Variants in MAP3K20 observed in about 807,000 individuals in gnomAD.
The protein encoded by MAP3K20 is mitogen-activated protein kinase kinase kinase 20.
MAP3K20 carries 40 observed loss-of-function variants against 85.7 expected under a neutral mutation model. The observed-to-expected ratio is 0.47, with a 90% CI of 0.36 to 0.61. The LOEUF (loss-of-function observed/expected upper bound fraction) is 0.61, where lower values mean the gene tolerates loss of function less well. Ranked by LOEUF, MAP3K20 falls within the 20% of genes least tolerant of loss-of-function variation. The pLI is 0.00. For synonymous variants in MAP3K20, 325 were observed against 327.7 expected, an observed-to-expected ratio of 0.99 and a Z score of 0.09; for missense variants, 817 against 961.7, an observed-to-expected ratio of 0.85 and a Z score of 1.99.
At chr2:173,102,025 C>T (rs976843088) in intron 2 of MAP3K20, among the ~76,000 whole-genome samples, 11 of 152,162 alleles carry the variant, frequency 7.2e-5, no homozygotes, top group Admixed American at 5.2e-4. Context: ...TCCCTGCCTC[C>T]GGGGCCATAT....
At chr2:173,218,997 T>A (rs2106317506) in intron 11 of MAP3K20, among the ~76,000 whole-genome samples, 1 of 152,352 alleles carries the variant, frequency 6.6e-6, no homozygotes, top group African/African-American at 2.4e-5. Context: ...GAGATTTTCT[T>A]CTTTTTTCCT....
chr2:173,227,218 CGTT>C (rs1684413854), intron 11 of MAP3K20: 6 of 823,910 alleles, frequency 7.3e-6, no homozygotes, highest in Non-Finnish European at 8.8e-6. Context: ...TTGAAGGAAT[CGTT>C]GTCACACGCA....
chr2:173,097,922 G>A (rs1216613703), intron 2 of MAP3K20, among the ~76,000 whole-genome samples: 6 of 152,186 alleles, frequency 3.9e-5, no homozygotes, highest in African/African-American at 1.4e-4. Context: ...TGGAAGGCTA[G>A]TTAAATGTTA....
At chr2:173,109,158 T>G (rs1459204796) in intron 2 of MAP3K20, among the ~76,000 whole-genome samples, 1 of 152,276 alleles carries the variant, frequency 6.6e-6, no homozygotes, top group Non-Finnish European at 1.5e-5. Context: ...AAGTAAACAT[T>G]AATTCTACTT....
chr2:173,157,304 ATTAG>A (rs540101406), intron 2 of MAP3K20, among the ~76,000 whole-genome samples: 5 of 146,410 alleles, frequency 3.4e-5, no homozygotes, highest in East Asian at 3.9e-4. Flanking sequence ...TTTACTATGT[ATTAG>A]TTAGGGTTTG....
At chr2:173,179,923 A>G (rs947517947) in intron 3 of MAP3K20, among the ~76,000 whole-genome samples, 5 of 152,224 alleles carry the variant, frequency 3.3e-5, no homozygotes, top group Non-Finnish European at 7.3e-5. Context: ...CAAAATAAGT[A>G]TAAGACTTGT....
intron 11 of MAP3K20, among the ~76,000 whole-genome samples, chr2:173,217,904 A>G (rs552757437): frequency 8.5e-5 from 13 of 152,208 alleles, no homozygotes; most frequent in Non-Finnish European, 1.5e-4. Context: ...CTGGTTATAC[A>G]CTAACCTTGA....
chr2:173,234,569 C>T (rs1401750358), intron 14 of MAP3K20, among the ~76,000 whole-genome samples: 1 of 152,038 alleles, frequency 6.6e-6, no homozygotes, highest in Non-Finnish European at 1.5e-5. Context: ...GCCCTTGAGC[C>T]GGATCTTGGA....
rs758738244 is a variant in MAP3K20, at chr2:173,229,691, G to A, written c.990G>A (p.Leu330=). The A allele has an allele frequency of 1.9e-6, 3 of 1,613,930 alleles. No individual in the cohort carries two copies. The change falls in exon 12 of 20, where the codon CTG becomes CTA. Residue 330 remains leucine (L), a splice_region_variant and synonymous_variant. Transcript: ENST00000375213. ...QKLTEQSNTP[L]LPSFEIGAWT... is the part of the protein sequence containing the mutation. ...TTTCATGCATATTTCCCATGCAGCTGCTGCCTTCCTTTGAGATTGGTGCAT... is the reference window on the plus strand; with the variant it reads ...TTTCATGCATATTTCCCATGCAGCTACTGCCTTCCTTTGAGATTGGTGCAT...
intron 2 of MAP3K20, among the ~76,000 whole-genome samples, chr2:173,131,565 T>G (rs946629679): frequency 1.3e-5 from 2 of 152,248 alleles, no homozygotes; most frequent in African/African-American, 4.8e-5. Flanking sequence ...TTTTATATTG[T>G]CTGTAAGCCA....
chr2:173,087,465 G>GAATA (rs1370889403), intron 1 of MAP3K20, among the ~76,000 whole-genome samples: 1 of 152,176 alleles, frequency 6.6e-6, no homozygotes, highest in Non-Finnish European at 1.5e-5. Context: ...AGTGGTAAAT[G>GAATA]AATAACACAA....
intron 2 of MAP3K20, among the ~76,000 whole-genome samples, chr2:173,143,032 GAAAC>G (rs1316611986): frequency 3.3e-5 from 5 of 151,668 alleles, no homozygotes; most frequent in East Asian, 1.9e-4. Flanking sequence ...GTCTCAAAAA[GAAAC>G]AAACAAAAAA....
At chr2:173,106,900 A>G (rs1244533893) in intron 2 of MAP3K20, among the ~76,000 whole-genome samples, 1 of 152,164 alleles carries the variant, frequency 6.6e-6, no homozygotes, top group Admixed American at 6.5e-5. Context: ...AGTTATGGGT[A>G]ATTCCTAAGT....
In MAP3K20 at chr2:173,075,983, A is replaced by C. The variant is rs1686837594; in HGVS notation, c.-54A>C. 1 of 984,374 alleles carries C rather than the reference A, an allele frequency of 1.0e-6. No homozygotes were observed. Among genetic ancestry groups the C allele is most frequent in the Non-Finnish European group, 1.2e-6 (1 of 829,682 alleles). 61.0% of individuals were successfully genotyped at this position (984,374 alleles called of 1,614,324 possible). On this transcript the variant is annotated 5_prime_UTR_variant, in exon 1 of 20. Coordinates refer to ENST00000375213, the MANE Select transcript of MAP3K20 (RefSeq NM_016653.3). The stretch of plus-strand genomic sequence containing the variant: ...GCCTCCGCGCCCCCGGCTGCTGCTC[A>C]CGCCCCGCCCGGGAGCCAGGTAGGG...
Position 173,191,137 on chromosome 2 carries a change from T to A in MAP3K20, c.542T>A (p.Leu181His). ...ATGGCTCCAGAAGTTATCCAGAGTCTCCCTGTGTCAGAAACTTGTGACACA... is the reference window on the plus strand; with the variant it reads ...ATGGCTCCAGAAGTTATCCAGAGTCACCCTGTGTCAGAAACTTGTGACACA... The part of the protein sequence containing the change: ...PWMAPEVIQS[L>H]PVSETCDTYS... Residue 181 changes from leucine to histidine, a missense_variant, in exon 7 of 20, where the codon CTC (leucine) becomes CAC (histidine). Coordinates refer to ENST00000375213, the MANE Select transcript of MAP3K20 (RefSeq NM_016653.3). The A allele has an allele frequency of 2.5e-6, 4 of 1,614,086 alleles. No individual in the cohort carries two copies. The highest frequency in any genetic ancestry group is 1.7e-5 in the Admixed American group (1 of 60,022).
chr2:173,079,738 A>T (rs1242393899), intron 1 of MAP3K20, among the ~76,000 whole-genome samples: 1 of 152,192 alleles, frequency 6.6e-6, no homozygotes, highest in Non-Finnish European at 1.5e-5. Flanking sequence ...TGGGGTTAGG[A>T]TCGTCAATAT....
intron 2 of MAP3K20, among the ~76,000 whole-genome samples, chr2:173,155,260 C>T (rs1319767595): frequency 1.3e-5 from 2 of 152,052 alleles, no homozygotes; most frequent in African/African-American, 4.8e-5. Context: ...TGAGAGTATT[C>T]ATAGTAATCT....
At chr2:173,098,129 C>T (rs905031970) in intron 2 of MAP3K20, among the ~76,000 whole-genome samples, 12 of 152,086 alleles carry the variant, frequency 7.9e-5, no homozygotes, top group Non-Finnish European at 1.8e-4. Flanking sequence ...TTAAGTATAT[C>T]GATGGGACCA....
At chr2:173,201,424 A>G (rs1164951659) in intron 8 of MAP3K20, among the ~76,000 whole-genome samples, 1 of 152,206 alleles carries the variant, frequency 6.6e-6, no homozygotes, top group Non-Finnish European at 1.5e-5. Flanking sequence ...TTTTATAAAT[A>G]CTTAAATTCT....
Sources: allele counts gnomAD v4.1 joint callset (sites outside exome capture counted in the v4.1 genomes callset), GRCh38; gene constraint gnomAD v4.1.1; transcripts MANE v1.5; gene names NCBI Gene and HGNC (gene_info 2026-07-23, HGNC 2026-07-21).